The following RBFOX1 variants were observed in gnomAD, a reference collection of about 807,000 sequenced individuals.
The protein encoded by RBFOX1 is RNA binding protein fox-1 homolog 1.
Under a neutral mutation model 57.7 loss-of-function variants are expected in RBFOX1, and 8 were observed. The ratio of observed to expected loss-of-function variants is 0.14; its 90% CI spans 0.08 to 0.25. The LOEUF (loss-of-function observed/expected upper bound fraction) is 0.25. Among genes scored for constraint, RBFOX1 ranks in the 10% least tolerant of loss-of-function variants. The probability of loss-of-function intolerance (pLI) is 1.00; values close to 1 mark genes in which losing one functional copy is unlikely to be tolerated. For missense variants in RBFOX1, 611 were observed against 548.5 expected (o/e 1.11, Z -1.14); for synonymous variants, 326 against 222.4 (o/e 1.47, Z -4.15).
In RBFOX1 at chr16:7,140,266, CTTTTT is replaced by C. The variant is rs35683605; in HGVS notation, c.27+88186_27+88190del. 2.0e-3 allele frequency among the ~76,000 whole-genome samples: 97 copies of C among 48,792 alleles called. 2 individuals carry two copies. Among genetic ancestry groups the C allele is most frequent in the African/African-American group, 6.8e-3 (96 of 14,092 alleles). The allele number at this position is 48,792 out of a possible 152,430, so 32.0% of individuals were successfully genotyped here. On this transcript the variant is annotated intron_variant, in intron 4 of 15. Coordinates refer to ENST00000550418, the MANE Select transcript of RBFOX1 (RefSeq NM_018723.4). ...ATTTTGTCCATTTTTTTTTAAATGG[CTTTTT>C]TTTTTTTTTTTTTTTTTAGTTTTTT...
intron 1 of RBFOX1, among the ~76,000 whole-genome samples, chr16:6,034,268 G>A (rs1249955994): frequency 7.4e-6 from 1 of 135,106 alleles, no homozygotes; most frequent in Admixed American, 8.3e-5. Context: ...GGAGTCGGAG[G>A]TTGCAGTGAG....
chr16:7,637,805 C>T (rs541559423), intron 11 of RBFOX1, among the ~76,000 whole-genome samples: 2 of 152,148 alleles, frequency 1.3e-5, no homozygotes, highest in Non-Finnish European at 2.9e-5. Flanking sequence ...CTAGGGTAAG[C>T]AAGTGACGTG....
chr16:6,362,178 G>A (rs763925472), intron 2 of RBFOX1, among the ~76,000 whole-genome samples: 7 of 140,154 alleles, frequency 5.0e-5, no homozygotes, highest in Non-Finnish European at 9.2e-5. Flanking sequence ...CCCACCCCAC[G>A]CCCCCCCAAA....
rs571573016 is a variant in RBFOX1 at position 6,866,424 on chromosome 16, C to T, written c.-15-185633C>T. On this transcript the variant is annotated intron_variant, in intron 3 of 15. Transcript: ENST00000550418. ...ACCTTATCCATCATCTCCATGACTTCTAGTGTCTTTCCCATCTGCATCTTC... is the reference window on the plus strand; with the variant it reads ...ACCTTATCCATCATCTCCATGACTTTTAGTGTCTTTCCCATCTGCATCTTC... Among the ~76,000 whole-genome samples the T allele has an allele frequency of 8.0e-5, 12 of 150,738 alleles. No individual in the cohort carries two copies. In the East Asian group the frequency reaches 1.4e-3, roughly 17 times the overall value.
chr16:5,472,135 C>T (rs541799773), intron 2 of RBFOX1, among the ~76,000 whole-genome samples: 129 of 152,210 alleles, frequency 8.5e-4, no homozygotes, highest in Middle Eastern at 3.4e-3. Flanking sequence ...CTTATTATCA[C>T]GGCTCTCTCC....
At chr16:7,004,806 A>C (rs1251497149) in intron 3 of RBFOX1, among the ~76,000 whole-genome samples, 1 of 152,180 alleles carries the variant, frequency 6.6e-6, no homozygotes, top group African/African-American at 2.4e-5. Context: ...GTGTCTCTAT[A>C]AGTGGCTGGG....
intron 3 of RBFOX1, chr16:6,705,214 A>T (rs1385204334): frequency 6.6e-6 from 1 of 152,164 alleles, no homozygotes; most frequent in Non-Finnish European, 1.5e-5. Context: ...TAAATGAACA[A>T]ATGGGTTGGC....
chr16:6,990,399 C>T (rs1038977381), intron 3 of RBFOX1, among the ~76,000 whole-genome samples: 1 of 152,042 alleles, frequency 6.6e-6, no homozygotes, highest in Non-Finnish European at 1.5e-5. Flanking sequence ...GTGGCGCATG[C>T]CTGTAATCCC....
intron 2 of RBFOX1, among the ~76,000 whole-genome samples, chr16:6,598,897 G>C (rs1026768337): frequency 6.6e-6 from 1 of 152,168 alleles, no homozygotes; most frequent in African/African-American, 2.4e-5. Flanking sequence ...AGTGAGCTGA[G>C]ATTGCGCCAC....
At chr16:7,519,182 C>A (rs967414869) in intron 5 of RBFOX1, among the ~76,000 whole-genome samples, 5 of 152,122 alleles carry the variant, frequency 3.3e-5, no homozygotes, top group African/African-American at 1.2e-4. Flanking sequence ...AGCCTAAATA[C>A]AAATCTTGTG....
At chr16:6,608,013 C>A (rs906409680) in intron 2 of RBFOX1, among the ~76,000 whole-genome samples, 1 of 152,102 alleles carries the variant, frequency 6.6e-6, no homozygotes, top group South Asian at 2.1e-4. Context: ...GGTGATACAT[C>A]CTCTGTAATA....
At chr16:5,914,555 C>G (rs867778835) in intron 4 of RBFOX1, among the ~76,000 whole-genome samples, 4 of 152,038 alleles carry the variant, frequency 2.6e-5, no homozygotes, top group African/African-American at 7.3e-5. Context: ...TGCTTGAGTG[C>G]CCTTACAACA....
chr16:5,937,253 T>A (rs2059185547), intron 4 of RBFOX1, among the ~76,000 whole-genome samples: 1 of 152,160 alleles, frequency 6.6e-6, no homozygotes, highest in Admixed American at 6.6e-5. Context: ...AGTGTGTGGA[T>A]TTACAGGAGC....
chr16:5,246,621 C>G (rs1266222590), intron 1 of RBFOX1, among the ~76,000 whole-genome samples: 1 of 152,150 alleles, frequency 6.6e-6, no homozygotes, highest in Non-Finnish European at 1.5e-5. Context: ...CCCACCCTGA[C>G]AACCATCATT....
intron 4 of RBFOX1, among the ~76,000 whole-genome samples, chr16:7,356,148 TC>T (rs1236934276): frequency 1.3e-5 from 2 of 152,322 alleles, no homozygotes; most frequent in Non-Finnish European, 2.9e-5. Flanking sequence ...AATCCTTTAT[TC>T]ATCACGTAAC....
chr16:5,782,783 G>A (rs1424227305), intron 3 of RBFOX1, among the ~76,000 whole-genome samples: 1 of 152,192 alleles, frequency 6.6e-6, no homozygotes, highest in Non-Finnish European at 1.5e-5. Flanking sequence ...GTATAATTCA[G>A]CCTAAGTCAA....
chr16:5,912,703 G>T (rs1400281804), intron 4 of RBFOX1, among the ~76,000 whole-genome samples: 1 of 152,110 alleles, frequency 6.6e-6, no homozygotes, highest in Non-Finnish European at 1.5e-5. Context: ...ATGACTCTTG[G>T]AGGCTTACAA....
At chr16:6,336,998 A>G (rs1321826085) in intron 2 of RBFOX1, among the ~76,000 whole-genome samples, 2 of 152,202 alleles carry the variant, frequency 1.3e-5, no homozygotes, top group Non-Finnish European at 2.9e-5. Flanking sequence ...TGCAACCCTT[A>G]TTCTAAAGGA....
intron 3 of RBFOX1, among the ~76,000 whole-genome samples, chr16:6,697,207 G>T (rs1414776510): frequency 3.3e-5 from 5 of 152,146 alleles, no homozygotes; most frequent in African/African-American, 4.8e-5. Context: ...TGTATATATG[G>T]TATAGTGGTC....
Sources: gnomAD v4.1 joint callset for allele counts (sites outside exome capture counted in the v4.1 genomes callset) on GRCh38, gnomAD v4.1.1 for gene constraint, MANE v1.5 for transcripts, NCBI Gene and HGNC (gene_info 2026-07-23, HGNC 2026-07-21) for gene names.